Variants in ST8SIA4 observed in about 807,000 individuals in gnomAD.
ST8SIA4 encodes the protein ST8 alpha-N-acetyl-neuraminide alpha-2,8-sialyltransferase 4.
In ST8SIA4, 15 loss-of-function variants were observed where a neutral mutation model predicts 33.9. The ratio of observed to expected loss-of-function variants is 0.44; its 90% CI spans 0.30 to 0.68. The LOEUF is 0.68. Ranked by LOEUF, ST8SIA4 falls within the 30% of genes least tolerant of loss-of-function variation. ST8SIA4 has a pLI of 0.10. For missense variants in ST8SIA4, 321 were observed against 428.0 expected (o/e 0.75, Z 2.21); for synonymous variants, 171 against 151.2 (o/e 1.13, Z -0.96).
chr5:100,851,245 G>A (rs1751692644), intron 4 of ST8SIA4, among the ~76,000 whole-genome samples: 1 of 151,880 alleles, frequency 6.6e-6, no homozygotes, highest in Non-Finnish European at 1.5e-5. Flanking sequence ...ACAGGCATAA[G>A]CCACCATGCC....
At chr5:100,871,999 A>G (rs1485254909) in intron 3 of ST8SIA4, among the ~76,000 whole-genome samples, 1 of 152,054 alleles carries the variant, frequency 6.6e-6, no homozygotes. Flanking sequence ...CTCTTTATAT[A>G]TGACTCCTCT....
intron 2 of ST8SIA4, among the ~76,000 whole-genome samples, chr5:100,889,334 A>G (rs1335827963): frequency 1.3e-5 from 2 of 151,968 alleles, no homozygotes; most frequent in Non-Finnish European, 2.9e-5. Context: ...TGGTTAAATC[A>G]TCAGGCTAGA....
intron 1 of ST8SIA4, among the ~76,000 whole-genome samples, chr5:100,901,720 A>G (rs1021491638): frequency 6.6e-6 from 1 of 152,150 alleles, no homozygotes; most frequent in African/African-American, 2.4e-5. Context: ...ACAGAATAGC[A>G]AGTCCTTCTG....
Position 100,811,646 on chromosome 5 carries a change from A to C in ST8SIA4, c.*201T>G. ...CTTAGTGGAAGTGGCACTTACTAGGACCCTTAAAGTCAAAATATTTAATTT... is the reference window on the plus strand; with the variant it reads ...CTTAGTGGAAGTGGCACTTACTAGGCCCCTTAAAGTCAAAATATTTAATTT... On this transcript the variant is annotated 3_prime_UTR_variant, in exon 5 of 5. Coordinates refer to ENST00000231461, the MANE Select transcript of ST8SIA4 (RefSeq NM_005668.6). The C allele has an allele frequency of 1.8e-6, 1 of 556,858 alleles. No individual in the cohort carries two copies. The highest frequency in any genetic ancestry group is 3.2e-6 in the Non-Finnish European group (1 of 316,616). 34.5% of individuals were successfully genotyped at this position (556,858 alleles called of 1,614,324 possible).
intron 4 of ST8SIA4, among the ~76,000 whole-genome samples, chr5:100,847,860 G>A (rs1392621278): frequency 6.6e-6 from 1 of 152,012 alleles, no homozygotes; most frequent in Non-Finnish European, 1.5e-5. Context: ...AGAAAGGTAT[G>A]CCAAAATAAA....
At chr5:100,841,968 C>A (rs1429082883) in intron 4 of ST8SIA4, among the ~76,000 whole-genome samples, 1 of 151,774 alleles carries the variant, frequency 6.6e-6, no homozygotes, top group Non-Finnish European at 1.5e-5. Flanking sequence ...GCTTTGTTTT[C>A]TTCTTTGGAG....
intron 4 of ST8SIA4, among the ~76,000 whole-genome samples, chr5:100,837,012 A>G (rs1751377515): frequency 6.6e-6 from 1 of 151,578 alleles, no homozygotes; most frequent in African/African-American, 2.4e-5. Flanking sequence ...ACACACACAC[A>G]CACACACACA....
At chr5:100,849,403 TTC>T (rs1167393227) in intron 4 of ST8SIA4, 1 of 985,298 alleles carries the variant, frequency 1.0e-6, no homozygotes, top group African/African-American at 1.7e-5. Context: ...TACGTCAGTG[TTC>T]TTAGTTAGAA....
intron 3 of ST8SIA4, among the ~76,000 whole-genome samples, chr5:100,871,540 G>A (rs1433424714): frequency 6.6e-6 from 1 of 151,968 alleles, no homozygotes; most frequent in African/African-American, 2.4e-5. Context: ...TTCAGTGTCA[G>A]TTTTATCCAG....
At chr5:100,857,778 C>T (rs1237983967) in intron 3 of ST8SIA4, among the ~76,000 whole-genome samples, 1 of 151,920 alleles carries the variant, frequency 6.6e-6, no homozygotes, top group East Asian at 1.9e-4. Context: ...AGATCTCCGA[C>T]AATATTTAGC....
intron 4 of ST8SIA4, among the ~76,000 whole-genome samples, chr5:100,831,753 T>C (rs181029362): frequency 4.7e-4 from 72 of 152,278 alleles, no homozygotes; most frequent in African/African-American, 1.7e-3. Context: ...TGCTCCTATA[T>C]GAGTTGGGTC....
intron 1 of ST8SIA4, among the ~76,000 whole-genome samples, chr5:100,896,847 G>A (rs1245771667): frequency 1.3e-5 from 2 of 152,082 alleles, no homozygotes; most frequent in East Asian, 3.9e-4. Context: ...TTTTACAGAA[G>A]GCATATATGC....
intron 4 of ST8SIA4, among the ~76,000 whole-genome samples, chr5:100,838,261 A>G (rs1751404067): frequency 6.6e-6 from 1 of 152,028 alleles, no homozygotes; most frequent in Non-Finnish European, 1.5e-5. Flanking sequence ...AGATATTGAA[A>G]TGTCTGTTGA....
intron 3 of ST8SIA4, among the ~76,000 whole-genome samples, chr5:100,861,103 A>C (rs1464722952): frequency 6.6e-6 from 1 of 152,178 alleles, no homozygotes; most frequent in African/African-American, 2.4e-5. Flanking sequence ...TAATGTAGTA[A>C]ACAAAATATA....
intron 4 of ST8SIA4, among the ~76,000 whole-genome samples, chr5:100,850,962 T>C (rs1751684054): frequency 1.4e-5 from 2 of 141,200 alleles, no homozygotes; most frequent in South Asian, 4.7e-4. Context: ...TACTTTTTTT[T>C]TTTTTTTTTT....
At chr5:100,813,557 C>T (rs1750854700) in intron 4 of ST8SIA4, among the ~76,000 whole-genome samples, 1 of 151,900 alleles carries the variant, frequency 6.6e-6, no homozygotes, top group African/African-American at 2.4e-5. Context: ...CTCAAAGTAA[C>T]TGAATGAGCA....
rs1750713408 is a variant in ST8SIA4, at chr5:100,807,190, A to G, written c.*4657T>C. ...ATAACCAAGGGCTTGGATATATGAGATAAGAGAAACAGTGAAAAAAAGGGA... is the reference window on the plus strand; with the variant it reads ...ATAACCAAGGGCTTGGATATATGAGGTAAGAGAAACAGTGAAAAAAAGGGA... On this transcript the variant is annotated 3_prime_UTR_variant, in exon 5 of 5. Transcript: ENST00000231461. 6.6e-6 allele frequency: 1 copy of G among 152,208 alleles called. No individual in the cohort carries two copies. Among genetic ancestry groups the G allele is most frequent in the Non-Finnish European group, 1.5e-5 (1 of 67,978 alleles). 9.4% of individuals were successfully genotyped at this position (152,208 alleles called of 1,614,324 possible). A position where few individuals can be genotyped will look rare whatever the true frequency, so the allele number is the denominator to read the frequency against.
chr5:100,852,522 T>C (rs1274300924), intron 4 of ST8SIA4, among the ~76,000 whole-genome samples: 2 of 152,100 alleles, frequency 1.3e-5, no homozygotes, highest in East Asian at 1.9e-4. Context: ...AGTAAAAAAG[T>C]GGCAATCCCA....
intron 3 of ST8SIA4, among the ~76,000 whole-genome samples, chr5:100,878,348 T>G (rs1752348246): frequency 6.6e-6 from 1 of 152,058 alleles, no homozygotes; most frequent in Non-Finnish European, 1.5e-5. Context: ...TGGCTAATTT[T>G]GTATTTTCAG....
Sources: allele counts gnomAD v4.1 joint callset (sites outside exome capture counted in the v4.1 genomes callset), GRCh38; gene constraint gnomAD v4.1.1; transcripts MANE v1.5; gene names NCBI Gene and HGNC (gene_info 2026-07-23, HGNC 2026-07-21).